Variants in FBXO11 observed in about 807,000 individuals in gnomAD.
FBXO11 encodes F-box only protein 11.
A neutral mutation model predicts 117.0 loss-of-function variants in FBXO11; 13 were observed. That is an observed-to-expected ratio of 0.11 (90% CI 0.07 to 0.18). The LOEUF is 0.18. FBXO11 is among the 10% of genes least tolerant of loss of function. The pLI, the probability that FBXO11 is intolerant of heterozygous loss-of-function variation, is 1.00. For missense variants in FBXO11, 767 were observed against 1,164.4 expected, an observed-to-expected ratio of 0.66 and a Z score of 4.97; for synonymous variants, 490 against 380.5, an observed-to-expected ratio of 1.29 and a Z score of -3.35.
intron 11 of FBXO11, among the ~76,000 whole-genome samples, chr2:47,824,382 C>T (rs981057958): frequency 6.6e-6 from 1 of 152,156 alleles, no homozygotes; most frequent in South Asian, 2.1e-4. Context: ...AGCCTAGTTA[C>T]TAGGGAGGCT....
intron 1 of FBXO11, among the ~76,000 whole-genome samples, chr2:47,900,875 T>TGTATATATATACACGTATATACACACAC (rs1678180183): frequency 1.4e-5 from 2 of 137,994 alleles, no homozygotes; most frequent in Admixed American, 1.4e-4. Flanking sequence ...CACACACACG[T>TGTATATATATACACGTATATACACACAC]GTATATATAT....
chr2:47,870,668 G>T (rs746928819), intron 1 of FBXO11, among the ~76,000 whole-genome samples: 1 of 152,198 alleles, frequency 6.6e-6, no homozygotes, highest in Non-Finnish European at 1.5e-5. Context: ...CTGCTACTTT[G>T]ATTTTAAACA....
chr2:47,872,329 A>G (rs1040242801), intron 1 of FBXO11, among the ~76,000 whole-genome samples: 1 of 152,132 alleles, frequency 6.6e-6, no homozygotes, highest in African/African-American at 2.4e-5. Flanking sequence ...TCATTATTGT[A>G]TAATTTGTGT....
chr2:47,882,467 T>G lies in FBXO11; in HGVS notation c.232+23022A>C, dbSNP rs1191653930. ...TTCTTCAATTGTGTTTTTAACCACTTGTTCTACTGTCATGTTTTGGTTTTC... is the reference window on the plus strand; with the variant it reads ...TTCTTCAATTGTGTTTTTAACCACTGGTTCTACTGTCATGTTTTGGTTTTC... On this transcript the variant is annotated intron_variant, in intron 1 of 22. Coordinates refer to ENST00000403359, the MANE Select transcript of FBXO11 (RefSeq NM_001190274.2). 2.0e-5 allele frequency among the ~76,000 whole-genome samples: 3 copies of G among 152,242 alleles called. No homozygotes were observed. In the South Asian group the frequency reaches 6.2e-4, roughly 31 times the overall value.
At chr2:47,842,485 A>C (rs1021530415) in intron 1 of FBXO11, among the ~76,000 whole-genome samples, 1 of 152,164 alleles carries the variant, frequency 6.6e-6, no homozygotes, top group African/African-American at 2.4e-5. Context: ...ATAATAACAA[A>C]GGTATAAAAA....
intron 1 of FBXO11, among the ~76,000 whole-genome samples, chr2:47,886,998 G>C (rs571785163): frequency 2.0e-5 from 3 of 152,170 alleles, no homozygotes; most frequent in Non-Finnish European, 2.9e-5. Context: ...GGGTAAAAGA[G>C]CGACAGGGCA....
chr2:47,848,257 G>GGTGA (rs1482276450), intron 1 of FBXO11, among the ~76,000 whole-genome samples: 1 of 152,332 alleles, frequency 6.6e-6, no homozygotes, highest in African/African-American at 2.4e-5. Context: ...CCACCCAGGA[G>GGTGA]GTGAGTGGTA....
chr2:47,857,730 A>G (rs1336088234), intron 1 of FBXO11, among the ~76,000 whole-genome samples: 3 of 152,156 alleles, frequency 2.0e-5, no homozygotes, highest in African/African-American at 7.2e-5. Context: ...GTCACAGTAA[A>G]CTCGAGAAGG....
Position 47,808,069 on chromosome 2 carries a change from T to C in FBXO11, c.*49A>G. ...TTTAAATCTTCTTCCAAAAAAGTGT[T>C]TTAAGTTATGATGTTACAATGGCAG... On this transcript the variant is annotated 3_prime_UTR_variant, in exon 23 of 23. Coordinates refer to ENST00000403359, the MANE Select transcript of FBXO11 (RefSeq NM_001190274.2). 1 of 1,514,644 alleles carries C rather than the reference T, an allele frequency of 6.6e-7. No homozygotes were observed. Among genetic ancestry groups the C allele is most frequent in the Non-Finnish European group, 9.0e-7 (1 of 1,112,208 alleles). The allele number at this position is 1,514,644 out of a possible 1,614,324, so 93.8% of individuals were successfully genotyped here.
At chr2:47,844,323 A>G (rs986692838) in intron 1 of FBXO11, among the ~76,000 whole-genome samples, 3 of 152,050 alleles carry the variant, frequency 2.0e-5, no homozygotes, top group Non-Finnish European at 4.4e-5. Context: ...TGAGCATTTG[A>G]CTAGTGGGCA....
chr2:47,836,017 A>T lies in FBXO11; in HGVS notation c.588-16T>A. On this transcript the variant is annotated splice_polypyrimidine_tract_variant and intron_variant, in intron 4 of 22. Transcript: ENST00000403359. The stretch of plus-strand genomic sequence containing the variant: ...TAATCGTTTCCTGAACAGAGAAAGG[A>T]ATTAAAATTTTCTTGATAAAATGTC... The T allele has an allele frequency of 6.5e-7, 1 of 1,547,234 alleles. No individual in the cohort carries two copies. Among genetic ancestry groups the T allele is most frequent in the East Asian group, 2.3e-5 (1 of 43,656 alleles).
At chr2:47,837,635 ATATTAAC>A (rs1032148085) in intron 4 of FBXO11, among the ~76,000 whole-genome samples, 6 of 152,370 alleles carry the variant, frequency 3.9e-5, no homozygotes, top group Admixed American at 6.5e-5. Context: ...TAGTTTCAAT[ATATTAAC>A]TATTAACAGT....
In FBXO11 at chr2:47,807,696, A is replaced by T. The variant is rs1223467150; in HGVS notation, c.*422T>A. The T allele has an allele frequency of 4.3e-6, 1 of 232,910 alleles. No individual in the cohort carries two copies. Among genetic ancestry groups the T allele is most frequent in the East Asian group, 6.3e-5 (1 of 15,856 alleles). 14.4% of individuals were successfully genotyped at this position (232,910 alleles called of 1,614,324 possible). A position where few individuals can be genotyped will look rare whatever the true frequency, so the allele number is the denominator to read the frequency against. ...AAAAAAAAATCAAAAGGAACGCAGA[A>T]GTGCTAGCTCACATTTTTACCATAT... On this transcript the variant is annotated 3_prime_UTR_variant, in exon 23 of 23. Coordinates refer to ENST00000403359, the MANE Select transcript of FBXO11 (RefSeq NM_001190274.2).
chr2:47,860,907 C>T (rs1255792142), intron 1 of FBXO11, among the ~76,000 whole-genome samples: 6 of 142,762 alleles, frequency 4.2e-5, no homozygotes, highest in African/African-American at 7.9e-5. Context: ...AGTGCAATGG[C>T]GCAATCTCGG....
At chr2:47,834,915 A>C (rs753712494) in intron 5 of FBXO11, 44 bp from the exon 6 acceptor site, 14 of 1,347,436 alleles carry the variant, frequency 1.0e-5, no homozygotes, top group Non-Finnish European at 1.4e-5. Flanking sequence ...TACTAACATA[A>C]ACCTTATATT....
Position 47,821,241 on chromosome 2 carries a change from G to A in FBXO11, c.1703-785C>T, listed in dbSNP as rs116401009. On this transcript the variant is annotated intron_variant, in intron 13 of 22. Coordinates refer to ENST00000403359, the MANE Select transcript of FBXO11 (RefSeq NM_001190274.2). Reference sequence around the variant, plus strand: ...AATCCCAGCAATCTGGGAGGCTGAGGCTGAAACAGGCAGCTCACTTGAGGC... The same window carrying A: ...AATCCCAGCAATCTGGGAGGCTGAGACTGAAACAGGCAGCTCACTTGAGGC... Among the ~76,000 whole-genome samples, 470 of 152,316 alleles carry A rather than the reference G, an allele frequency of 3.1e-3. 1 individual carries two copies. The highest frequency in any genetic ancestry group is 0.011 in the African/African-American group (461 of 41,572).
At chr2:47,894,659 T>C (rs1677521279) in intron 1 of FBXO11, among the ~76,000 whole-genome samples, 1 of 152,172 alleles carries the variant, frequency 6.6e-6, no homozygotes, top group African/African-American at 2.4e-5. Context: ...ACTTTCTGAC[T>C]AGTGGGAAAA....
intron 1 of FBXO11, among the ~76,000 whole-genome samples, chr2:47,861,907 G>GT (rs367983630): frequency 0.094 from 13,698 of 145,472 alleles, 745 homozygotes; most frequent in Non-Finnish European, 0.14. Context: ...GTAAGGTTAA[G>GT]TTTTTTTTTT....
chr2:47,814,569 G>C (rs1310233703), intron 16 of FBXO11, among the ~76,000 whole-genome samples: 1 of 151,884 alleles, frequency 6.6e-6, no homozygotes, highest in African/African-American at 2.4e-5. Context: ...TGTAGAGATG[G>C]AGTTTTGCCA....
Sources: gnomAD v4.1 joint callset for allele counts (sites outside exome capture counted in the v4.1 genomes callset) on GRCh38, gnomAD v4.1.1 for gene constraint, MANE v1.5 for transcripts, NCBI Gene and HGNC (gene_info 2026-07-23, HGNC 2026-07-21) for gene names.